The following PTPRD variants were observed in gnomAD, a reference collection of about 807,000 sequenced individuals.
The protein encoded by PTPRD is receptor-type tyrosine-protein phosphatase delta.
PTPRD carries 34 observed loss-of-function variants against 214.5 expected under a neutral mutation model. The observed-to-expected ratio is 0.16, with a 90% confidence interval of 0.12 to 0.21. PTPRD has a LOEUF of 0.21. PTPRD is among the 10% of genes least tolerant of loss of function. The probability of loss-of-function intolerance (pLI) is 1.00; values close to 1 mark genes in which losing one functional copy is unlikely to be tolerated. For synonymous variants in PTPRD, 1,128 were observed against 845.7 expected (o/e 1.33, Z -5.79); for missense variants, 2,545 against 2,398.7 (o/e 1.06, Z -1.27).
intron 3 of PTPRD, among the ~76,000 whole-genome samples, chr9:10,280,418 A>C (rs1251845971): frequency 6.6e-6 from 1 of 152,012 alleles, no homozygotes; most frequent in Non-Finnish European, 1.5e-5. Flanking sequence ...AAGATGCCTA[A>C]AAGCATAGAC....
At chr9:9,803,549 C>T (rs80016517) in intron 5 of PTPRD, among the ~76,000 whole-genome samples, 2,613 of 152,060 alleles carry the variant, frequency 0.017, 68 homozygotes, top group African/African-American at 0.06. Context: ...GATAAAACTT[C>T]ATGGCCAGCA....
intron 11 of PTPRD, among the ~76,000 whole-genome samples, chr9:8,882,702 T>C (rs891198873): frequency 1.3e-5 from 2 of 151,644 alleles, no homozygotes; most frequent in Admixed American, 1.3e-4. Flanking sequence ...CTGGCCGACA[T>C]AGTGAAACCC....
chr9:9,527,475 G>A (rs1381985110), intron 8 of PTPRD, among the ~76,000 whole-genome samples: 1 of 152,092 alleles, frequency 6.6e-6, no homozygotes, highest in Non-Finnish European at 1.5e-5. Context: ...AATAATATAT[G>A]TTTTAAAAAA....
intron 3 of PTPRD, among the ~76,000 whole-genome samples, chr9:10,055,391 C>T (rs1303655931): frequency 1.3e-5 from 2 of 152,086 alleles, no homozygotes; most frequent in Admixed American, 1.3e-4. Context: ...TTTCCATATA[C>T]TCTTTCACTT....
intron 2 of PTPRD, among the ~76,000 whole-genome samples, chr9:10,414,191 T>C (rs1422276351): frequency 1.3e-5 from 2 of 151,538 alleles, no homozygotes; most frequent in African/African-American, 4.9e-5. Context: ...GGAAAAAATA[T>C]TTGCAAACTA....
chr9:9,428,066 T>G (rs2081662655), intron 8 of PTPRD, among the ~76,000 whole-genome samples: 1 of 152,118 alleles, frequency 6.6e-6, no homozygotes, highest in African/African-American at 2.4e-5. Flanking sequence ...ATAACAATAT[T>G]AACCTTAAAT....
chr9:9,566,483 G>C (rs974043415), intron 8 of PTPRD, among the ~76,000 whole-genome samples: 3 of 151,854 alleles, frequency 2.0e-5, no homozygotes, highest in Non-Finnish European at 2.9e-5. Context: ...ATAATGGTTT[G>C]CCTAGGATAT....
At chr9:9,771,749 A>C (rs929890121) in intron 5 of PTPRD, among the ~76,000 whole-genome samples, 1 of 152,206 alleles carries the variant, frequency 6.6e-6, no homozygotes, top group Non-Finnish European at 1.5e-5. Flanking sequence ...AAGATGCTCT[A>C]TACAGTGTGT....
chr9:8,343,495 T>G (rs1246988683), intron 39 of PTPRD, among the ~76,000 whole-genome samples: 1 of 152,024 alleles, frequency 6.6e-6, no homozygotes, highest in Non-Finnish European at 1.5e-5. Context: ...GTCGGCCTGG[T>G]GGTTCCAGTT....
chr9:9,135,410 G>A (rs1049532215), intron 10 of PTPRD, among the ~76,000 whole-genome samples: 1 of 152,180 alleles, frequency 6.6e-6, no homozygotes, highest in African/African-American at 2.4e-5. Flanking sequence ...ATCGATGTGT[G>A]TATACACAGA....
intron 8 of PTPRD, among the ~76,000 whole-genome samples, chr9:9,411,378 A>G (rs9644838): frequency 0.17 from 25,699 of 151,608 alleles, 2,234 homozygotes; most frequent in Middle Eastern, 0.23. Flanking sequence ...CTAGCAAACT[A>G]TGTTATTTTC....
chr9:9,374,010 G>A (rs1476932578), intron 9 of PTPRD, among the ~76,000 whole-genome samples: 1 of 151,698 alleles, frequency 6.6e-6, no homozygotes, highest in Non-Finnish European at 1.5e-5. Flanking sequence ...ATTTTAATGA[G>A]CTTATCATTT....
chr9:10,411,127 C>T (rs1336572070), intron 2 of PTPRD, among the ~76,000 whole-genome samples: 3 of 151,722 alleles, frequency 2.0e-5, no homozygotes, highest in African/African-American at 7.3e-5. Context: ...ATGAGATTAA[C>T]AGTAGACTGC....
chr9:9,635,741 A>C (rs547403683), intron 7 of PTPRD, among the ~76,000 whole-genome samples: 39 of 152,284 alleles, frequency 2.6e-4, no homozygotes, highest in African/African-American at 9.4e-4. Context: ...AGTCATTGTC[A>C]ACACCACCTA....
At chr9:9,883,547 C>G (rs954790944) in intron 5 of PTPRD, among the ~76,000 whole-genome samples, 6 of 152,210 alleles carry the variant, frequency 3.9e-5, no homozygotes, top group South Asian at 2.1e-4. Flanking sequence ...GTTACATGGT[C>G]TCTTAATCAA....
intron 9 of PTPRD, among the ~76,000 whole-genome samples, chr9:9,329,611 A>T (rs758168552): frequency 6.6e-6 from 1 of 152,198 alleles, no homozygotes; most frequent in Admixed American, 6.6e-5. Flanking sequence ...AAAACCTTCT[A>T]TCTTCTGTTA....
intron 2 of PTPRD, among the ~76,000 whole-genome samples, chr9:10,461,105 A>C (rs2098955118): frequency 6.6e-6 from 1 of 152,070 alleles, no homozygotes; most frequent in Non-Finnish European, 1.5e-5. Flanking sequence ...CATTTCTCCA[A>C]AGATGACATA....
intron 10 of PTPRD, among the ~76,000 whole-genome samples, chr9:9,117,893 G>T (rs907193089): frequency 2.0e-5 from 3 of 151,984 alleles, no homozygotes; most frequent in Non-Finnish European, 2.9e-5. Context: ...AAAAAAAAAT[G>T]AAGGGATGGA....
At chr9:9,924,070 A>G (rs1230665583) in intron 5 of PTPRD, among the ~76,000 whole-genome samples, 1 of 152,064 alleles carries the variant, frequency 6.6e-6, no homozygotes, top group African/African-American at 2.4e-5. Context: ...TATTGTGCTA[A>G]AAATGTAAAC....
Sources: gnomAD v4.1 joint callset for allele counts (sites outside exome capture counted in the v4.1 genomes callset) on GRCh38, gnomAD v4.1.1 for gene constraint, MANE v1.5 for transcripts, NCBI Gene and HGNC (gene_info 2026-07-23, HGNC 2026-07-21) for gene names.